GRID2: variants seen among roughly 807,000 people sequenced by gnomAD.
The protein encoded by GRID2 is glutamate ionotropic receptor delta type subunit 2, also known as glutamate receptor ionotropic, delta-2.
A neutral mutation model predicts 114.8 loss-of-function variants in GRID2; 33 were observed. The ratio of observed to expected loss-of-function variants is 0.29; its 90% CI spans 0.22 to 0.38. The LOEUF is 0.38. GRID2 is among the 10% of genes least tolerant of loss of function. GRID2 has a pLI of 1.00. For synonymous variants in GRID2, 505 were observed against 449.9 expected (o/e 1.12, Z -1.55); for missense variants, 1,184 against 1,257.7 (o/e 0.94, Z 0.89).
chr4:93,256,293 T>C (rs1404918633), intron 8 of GRID2, among the ~76,000 whole-genome samples: 2 of 152,090 alleles, frequency 1.3e-5, no homozygotes, highest in African/African-American at 2.4e-5. Flanking sequence ...CTAACAGAAA[T>C]ATATTTTGAT....
intron 1 of GRID2, among the ~76,000 whole-genome samples, chr4:92,413,710 G>A (rs534107715): frequency 4.3e-4 from 65 of 152,186 alleles, no homozygotes; most frequent in South Asian, 3.1e-3. Flanking sequence ...AAGGGAAAGG[G>A]AATCTCAAAA....
intron 2 of GRID2, among the ~76,000 whole-genome samples, chr4:92,600,063 T>A (rs1425869930): frequency 6.4e-5 from 8 of 125,672 alleles, no homozygotes; most frequent in Middle Eastern, 4.0e-3. Context: ...TATATATATA[T>A]ATATATATAT....
chr4:93,073,790 T>A (rs1412797804), intron 2 of GRID2, among the ~76,000 whole-genome samples: 1 of 152,152 alleles, frequency 6.6e-6, no homozygotes, highest in Non-Finnish European at 1.5e-5. Flanking sequence ...GTTGGCACAT[T>A]CTGGGAGGCA....
intron 1 of GRID2, among the ~76,000 whole-genome samples, chr4:92,414,017 T>C (rs1333541474): frequency 6.6e-6 from 1 of 152,070 alleles, no homozygotes; most frequent in East Asian, 1.9e-4. Context: ...ATATTGAAAA[T>C]AACAAAATGG....
intron 2 of GRID2, among the ~76,000 whole-genome samples, chr4:92,979,639 T>G (rs1318127290): frequency 2.0e-5 from 3 of 152,146 alleles, no homozygotes; most frequent in African/African-American, 7.2e-5. Flanking sequence ...TAATTCAGAC[T>G]AAAATCTAAA....
intron 2 of GRID2, among the ~76,000 whole-genome samples, chr4:93,069,257 ATG>A (rs954197949): frequency 6.6e-5 from 8 of 120,368 alleles, no homozygotes; most frequent in East Asian, 3.1e-4. Context: ...TATATTATAT[ATG>A]TGTGTGTGTA....
intron 14 of GRID2, among the ~76,000 whole-genome samples, chr4:93,637,497 C>G (rs1450387238): frequency 6.6e-6 from 1 of 152,168 alleles, no homozygotes; most frequent in Admixed American, 6.5e-5. Context: ...TAATAAGGAT[C>G]TAAATTGTCT....
chr4:92,630,490 A>G (rs1326471957), intron 2 of GRID2, among the ~76,000 whole-genome samples: 1 of 152,144 alleles, frequency 6.6e-6, no homozygotes, highest in Non-Finnish European at 1.5e-5. Flanking sequence ...AGCCTTTGCT[A>G]CATATGAAAG....
At chr4:92,597,114 T>A (rs1272303782) in intron 2 of GRID2, among the ~76,000 whole-genome samples, 1 of 151,990 alleles carries the variant, frequency 6.6e-6, no homozygotes, top group African/African-American at 2.4e-5. Context: ...TTATTTTTAT[T>A]TGTTTAATTT....
intron 11 of GRID2, among the ~76,000 whole-genome samples, chr4:93,464,289 C>A (rs770401843): frequency 6.6e-6 from 1 of 152,178 alleles, no homozygotes; most frequent in Admixed American, 6.5e-5. Flanking sequence ...TCCATTTCCC[C>A]CTTTGTCTAT....
chr4:93,307,707 T>A (rs1755580571), intron 8 of GRID2, among the ~76,000 whole-genome samples: 1 of 152,184 alleles, frequency 6.6e-6, no homozygotes, highest in South Asian at 2.1e-4. Context: ...TGATAATAAT[T>A]AACTTTCCAA....
At chr4:92,652,173 T>C (rs1030679051) in intron 2 of GRID2, among the ~76,000 whole-genome samples, 1 of 152,066 alleles carries the variant, frequency 6.6e-6, no homozygotes, top group Non-Finnish European at 1.5e-5. Context: ...CCCCTGCCTT[T>C]TTGTTCTATT....
At chr4:92,868,310 A>G (rs889387905) in intron 2 of GRID2, among the ~76,000 whole-genome samples, 1 of 152,042 alleles carries the variant, frequency 6.6e-6, no homozygotes, top group Non-Finnish European at 1.5e-5. Context: ...TTATTTGAAA[A>G]ACAAAATACC....
chr4:93,430,140 C>T (rs966048895), intron 10 of GRID2, among the ~76,000 whole-genome samples: 30 of 151,924 alleles, frequency 2.0e-4, no homozygotes, highest in Non-Finnish European at 3.5e-4. Flanking sequence ...CAATAGAAAG[C>T]ATATATTTAC....
chr4:93,466,943 AT>A, intron 11 of GRID2, among the ~76,000 whole-genome samples: 1 of 152,342 alleles, frequency 6.6e-6, no homozygotes, highest in South Asian at 2.1e-4. Flanking sequence ...CTCTGGTTTC[AT>A]TGTAAACTTA....
chr4:92,745,764 G>A (rs1413072986), intron 2 of GRID2, among the ~76,000 whole-genome samples: 1 of 152,028 alleles, frequency 6.6e-6, no homozygotes, highest in Non-Finnish European at 1.5e-5. Flanking sequence ...TTTCAGTTTA[G>A]ATATATTGGG....
chr4:93,087,095 C>G (rs1730395562), intron 3 of GRID2, among the ~76,000 whole-genome samples: 1 of 151,702 alleles, frequency 6.6e-6, no homozygotes, highest in South Asian at 2.1e-4. Flanking sequence ...AGTGCAGTGT[C>G]ACAATCTCGG....
At chr4:93,086,831 T>C (rs912384578) in intron 3 of GRID2, among the ~76,000 whole-genome samples, 4 of 152,164 alleles carry the variant, frequency 2.6e-5, no homozygotes, top group Admixed American at 6.5e-5. Flanking sequence ...ATCAACATGC[T>C]GAATAAGACT....
chr4:93,107,855 C>T (rs914905676), intron 3 of GRID2, among the ~76,000 whole-genome samples: 1 of 152,128 alleles, frequency 6.6e-6, no homozygotes, highest in Non-Finnish European at 1.5e-5. Flanking sequence ...TCATTCTGCT[C>T]ACATATCCAG....
Sources: allele counts gnomAD v4.1 joint callset (sites outside exome capture counted in the v4.1 genomes callset), GRCh38; gene constraint gnomAD v4.1.1; transcripts MANE v1.5; gene names NCBI Gene and HGNC (gene_info 2026-07-23, HGNC 2026-07-21).